PRDM2: variants seen among roughly 807,000 people sequenced by gnomAD.
PRDM2 encodes PR domain zinc finger protein 2.
A neutral mutation model predicts 130.0 loss-of-function variants in PRDM2; 30 were observed. That is an observed-to-expected ratio of 0.23 (90% CI 0.17 to 0.31). The LOEUF (loss-of-function observed/expected upper bound fraction) is 0.31, where lower values mean the gene tolerates loss of function less well. PRDM2 is among the 10% of genes least tolerant of loss of function. The pLI, the probability that PRDM2 is intolerant of heterozygous loss-of-function variation, is 1.00. For synonymous variants in PRDM2, 871 were observed against 782.4 expected, an observed-to-expected ratio of 1.11 and a Z score of -1.89; for missense variants, 2,011 against 2,108.4, an observed-to-expected ratio of 0.95 and a Z score of 0.90.
chr1:13,726,712 T>C (rs1326764795), intron 2 of PRDM2, among the ~76,000 whole-genome samples: 1 of 152,256 alleles, frequency 6.6e-6, no homozygotes, highest in Non-Finnish European at 1.5e-5. Context: ...TAATACATAC[T>C]GTTCCAGATC....
intron 8 of PRDM2, among the ~76,000 whole-genome samples, chr1:13,812,302 G>A (rs1021426133): frequency 2.1e-5 from 3 of 142,944 alleles, no homozygotes; most frequent in African/African-American, 5.3e-5. Context: ...TAAGGGACCC[G>A]GAGATGGATC....
At position 13,820,783 on chromosome 1, in the gene PRDM2, C is replaced by T. The variant is rs372245340; in HGVS notation, c.*24-2376C>T. On this transcript the variant is annotated intron_variant, in intron 9 of 9. Transcript: ENST00000311066. ...TGGCCTCCCCAGAGGGCTGCCCTCT[C>T]GGTGGGGGACTGGCAAGATGGCTCC... 1.5e-3 allele frequency among the ~76,000 whole-genome samples: 235 copies of T among 152,168 alleles called. 1 individual carries two copies. Among genetic ancestry groups the T allele is most frequent in the African/African-American group, 2.7e-3 (113 of 41,528 alleles).
chr1:13,817,890 C>T (rs907653607), intron 9 of PRDM2, among the ~76,000 whole-genome samples: 7 of 152,124 alleles, frequency 4.6e-5, no homozygotes, highest in African/African-American at 1.7e-4. Flanking sequence ...GTCGCAACTA[C>T]TCAGGAGGCT....
Position 13,779,372 on chromosome 1 carries a change from C to G in PRDM2, c.1577C>G (p.Pro526Arg), listed in dbSNP as rs1429065338. 1 of 1,614,050 alleles carries G rather than the reference C, an allele frequency of 6.2e-7. No homozygotes were observed. The highest frequency in any genetic ancestry group is 1.7e-5 in the Admixed American group (1 of 59,996). ...RRKGGLEEPQ[P>R]PAEQAQATQN... Reference sequence around the variant, plus strand: ...AAAGGAGGCCTTGAAGAGCCCCAGCCTCCAGCAGAACAGGCCCAGGCCACC... The same window carrying G: ...AAAGGAGGCCTTGAAGAGCCCCAGCGTCCAGCAGAACAGGCCCAGGCCACC... The change falls in exon 8 of 10, where the codon CCT (proline) becomes CGT (arginine). Residue 526 changes from proline (P) to arginine (R), a missense_variant. Physicochemically the swap from Pro to Arg is moderately radical, Grantham distance 103. This residue lies in a region of PRDM2 where 1,288 missense variants were observed against 1,237.7 expected (regional missense o/e 1.04). Coordinates refer to ENST00000311066, the MANE Select transcript of PRDM2 (RefSeq NM_001393986.1). The surrounding 1 kb of genome is among the most constrained non-coding windows in gnomAD (Gnocchi z 4.9).
At position 13,778,662 on chromosome 1, in the gene PRDM2, G is replaced by A; in HGVS notation, c.867G>A (p.Leu289=). 1 of 1,613,990 alleles carries A rather than the reference G, an allele frequency of 6.2e-7. No homozygotes were observed. Among genetic ancestry groups the A allele is most frequent in the Non-Finnish European group, 8.5e-7 (1 of 1,179,908 alleles). ...EEEEDDDDDE[L]EDEGEEEASM... is the part of the protein sequence containing the mutation. Reference sequence around the variant, plus strand: ...AAGAAGATGATGATGATGATGAGTTGGAAGACGAGGGGGAAGAAGAAGCCA... The same window carrying A: ...AAGAAGATGATGATGATGATGAGTTAGAAGACGAGGGGGAAGAAGAAGCCA... Residue 289 remains leucine (L), a synonymous_variant, in exon 8 of 10, where the codon TTG becomes TTA. Transcript: ENST00000311066.
intron 8 of PRDM2, among the ~76,000 whole-genome samples, chr1:13,790,424 A>G (rs1216403139): frequency 2.6e-5 from 4 of 152,012 alleles, no homozygotes; most frequent in Non-Finnish European, 5.9e-5. Context: ...CACTTGGTGG[A>G]AAGAGGAGGT....
At chr1:13,709,402 C>T (rs955542604) in intron 1 of PRDM2, among the ~76,000 whole-genome samples, 1 of 152,064 alleles carries the variant, frequency 6.6e-6, no homozygotes, top group African/African-American at 2.4e-5. Context: ...CAATGAATAC[C>T]TTAATAGCAT....
rs1444449816 is a variant in PRDM2 at position 13,803,050 on chromosome 1, G to A, written c.5037-13377G>A. The stretch of plus-strand genomic sequence containing the variant: ...ACGGGCAGTGACGGTGTTTCCAGCC[G>A]AGGTGACATTCTCCAGACTTGAACC... On this transcript the variant is annotated intron_variant, in intron 8 of 9. Transcript: ENST00000311066. The surrounding 1 kb of genome is among the most constrained non-coding windows in gnomAD (Gnocchi z 6.2). 3.3e-5 allele frequency among the ~76,000 whole-genome samples: 5 copies of A among 152,158 alleles called. No homozygotes were observed. The highest frequency in any genetic ancestry group is 2.1e-4 in the South Asian group (1 of 4,830).
chr1:13,761,754 G>C (rs1356672383), intron 6 of PRDM2, among the ~76,000 whole-genome samples: 2 of 152,092 alleles, frequency 1.3e-5, no homozygotes, highest in African/African-American at 4.8e-5. Flanking sequence ...AGCAGAGACA[G>C]TTAGGAGCAA....
At position 13,781,564 on chromosome 1, in the gene PRDM2, AAAG is replaced by A. The variant is rs147285105; in HGVS notation, c.3777_3779del (p.Glu1261del). On this transcript the variant is annotated inframe_deletion, in exon 8 of 10. Coordinates refer to ENST00000311066, the MANE Select transcript of PRDM2 (RefSeq NM_001393986.1). This position sits in a 1 kb window ranked among gnomAD's most constrained non-coding sequence, Gnocchi z 6.1. ...GCCAGAAGATCCTTTAGAAACTTCT[AAAG>A]AAGAAGAGGAGTTAAATGATTCCTC... 5.7e-3 allele frequency: 9,169 copies of A among 1,612,492 alleles called. 40 individuals are homozygous for A. The highest frequency in any genetic ancestry group is 6.9e-3 in the Non-Finnish European group (8,120 of 1,179,982).
chr1:13,722,011 G>A (rs775512005), intron 2 of PRDM2, among the ~76,000 whole-genome samples: 15 of 152,216 alleles, frequency 9.9e-5, no homozygotes, highest in African/African-American at 2.7e-4. Flanking sequence ...AGGAAACACC[G>A]TAAATTATTA....
intron 7 of PRDM2, among the ~76,000 whole-genome samples, chr1:13,776,163 TC>T (rs1189005832): frequency 3.3e-5 from 5 of 152,086 alleles, no homozygotes; most frequent in African/African-American, 4.8e-5. Context: ...TTCGTTGCCT[TC>T]CTGCTTGTGT....
chr1:13,745,561 A>G (rs938722103), intron 5 of PRDM2, among the ~76,000 whole-genome samples: 6 of 151,576 alleles, frequency 4.0e-5, no homozygotes, highest in African/African-American at 1.5e-4. Context: ...AGTAGCTGGG[A>G]CTATGGGCGC....
chr1:13,716,435 A>G (rs1158045025), intron 2 of PRDM2, among the ~76,000 whole-genome samples: 1 of 152,136 alleles, frequency 6.6e-6, no homozygotes, highest in Non-Finnish European at 1.5e-5. Context: ...ATGTACCCTA[A>G]AACTTAAAGT....
At chr1:13,763,435 C>T (rs551305530) in intron 6 of PRDM2, among the ~76,000 whole-genome samples, 1 of 152,234 alleles carries the variant, frequency 6.6e-6, no homozygotes, top group South Asian at 2.1e-4. Context: ...TTTTTAATCC[C>T]TTTAAAGTCT....
At chr1:13,727,954 T>C (rs1314490855) in intron 2 of PRDM2, among the ~76,000 whole-genome samples, 1 of 152,174 alleles carries the variant, frequency 6.6e-6, no homozygotes, top group Non-Finnish European at 1.5e-5. Flanking sequence ...TTTGAAAACA[T>C]TCCTTTGTTC....
At chr1:13,797,061 T>A (rs995096598) in intron 8 of PRDM2, among the ~76,000 whole-genome samples, 2 of 152,198 alleles carry the variant, frequency 1.3e-5, no homozygotes, top group Non-Finnish European at 2.9e-5. Flanking sequence ...AATTTATGTT[T>A]AGAATAAATA....
rs1258559726 is a variant in PRDM2 at position 13,780,879 on chromosome 1, CCCCTCT to C, written c.3094_3099del (p.Ser1032_Pro1033del). 21 of 1,612,734 alleles carry C rather than the reference CCCCTCT, an allele frequency of 1.3e-5. No individual in the cohort carries two copies. The highest frequency in any genetic ancestry group is 1.3e-5 in the African/African-American group (1 of 74,720). ...TTCCAATTCTGTCCCCAACAGTGTC[CCCCTCT>C]CCCTCTCCCATTCCTCCCGTGGAGC... On this transcript the variant is annotated inframe_deletion, in exon 8 of 10. Coordinates refer to ENST00000311066, the MANE Select transcript of PRDM2 (RefSeq NM_001393986.1).
intron 5 of PRDM2, among the ~76,000 whole-genome samples, chr1:13,742,385 A>G (rs76110571): frequency 0.03 from 4,561 of 152,140 alleles, 229 homozygotes; most frequent in African/African-American, 0.1. Context: ...AATTTTTTGT[A>G]GAGACAGAGC....
Sources: allele counts gnomAD v4.1 joint callset (sites outside exome capture counted in the v4.1 genomes callset), GRCh38; gene constraint gnomAD v4.1.1; regional missense constraint gnomAD v4.1.1; non-coding constraint Gnocchi (gnomAD v3.1); transcripts MANE v1.5; gene names NCBI Gene and HGNC (gene_info 2026-07-23, HGNC 2026-07-21).